Variants in ATP8B3 observed in about 807,000 individuals in gnomAD.
The protein encoded by ATP8B3 is phospholipid-transporting ATPase IK.
In ATP8B3, 141 loss-of-function variants were observed where a neutral mutation model predicts 140.9. The observed-to-expected ratio is 1.00, with a 90% CI of 0.87 to 1.15. The LOEUF (loss-of-function observed/expected upper bound fraction) is 1.15. ATP8B3 is among the 50% of genes most tolerant of loss of function. ATP8B3 has a pLI of 0.00. For synonymous variants in ATP8B3, 765 were observed against 714.6 expected (o/e 1.07, Z -1.13); for missense variants, 1,874 against 1,740.6 (o/e 1.08, Z -1.36).
intron 18 of ATP8B3, among the ~76,000 whole-genome samples, chr19:1,793,669 T>C (rs1053317573): frequency 2.0e-5 from 3 of 152,250 alleles, no homozygotes; most frequent in Admixed American, 2.0e-4. Flanking sequence ...TACGGCTTCT[T>C]ACCCCCCGAC....
chr19:1,788,294 G>A (rs2068370559), intron 24 of ATP8B3, among the ~76,000 whole-genome samples: 1 of 152,154 alleles, frequency 6.6e-6, no homozygotes, highest in South Asian at 2.1e-4. Flanking sequence ...TGGGGTTCAA[G>A]GTCTTGTTCA....
intron 16 of ATP8B3, among the ~76,000 whole-genome samples, 186 bp downstream of exon 16, chr19:1,796,525 C>T (rs2068681036): frequency 6.6e-6 from 1 of 152,268 alleles, no homozygotes; most frequent in African/African-American, 2.4e-5. Context: ...CGCCACGATG[C>T]TTGTCAGCAC....
At chr19:1,797,404 G>A (rs1051957085) in intron 14 of ATP8B3, among the ~76,000 whole-genome samples, 1 of 152,188 alleles carries the variant, frequency 6.6e-6, no homozygotes, top group African/African-American at 2.4e-5. Context: ...GCCTGGAGCG[G>A]GATGCAGCCC....
At chr19:1,810,027 A>AT (rs886091899) in intron 3 of ATP8B3, among the ~76,000 whole-genome samples, 4 of 152,174 alleles carry the variant, frequency 2.6e-5, no homozygotes, top group South Asian at 2.1e-4. Flanking sequence ...AGGCCTGTAC[A>AT]TTTTACAGAG....
rs561418063 is a variant in ATP8B3, at chr19:1,787,728, TAAAAAAAAAAAA to T, written c.3070-554_3070-543del. On this transcript the variant is annotated intron_variant, in intron 24 of 28. Coordinates refer to ENST00000310127, the MANE Select transcript of ATP8B3 (RefSeq NM_138813.4). ...TGGGCAACAAGTGTGAAACTCTGTC[TAAAAAAAAAAAA>T]AAAAAAAAAAAAAAAAAAAAACGCT... is the stretch of plus-strand genomic sequence containing the variant. 3.7e-3 allele frequency among the ~76,000 whole-genome samples: 447 copies of T among 119,786 alleles called. 2 individuals are homozygous for T. The highest frequency in any genetic ancestry group is 0.011 in the African/African-American group (363 of 32,030). The allele number at this position is 119,786 out of a possible 152,430, so 78.6% of individuals were successfully genotyped here. A position where few individuals can be genotyped will look rare whatever the true frequency, so the allele number is the denominator to read the frequency against.
In ATP8B3 at chr19:1,789,601, G is replaced by C. The variant is rs1300564128; in HGVS notation, c.2605C>G (p.Leu869Val). ...AGCGGGAGCCCGAACCTCCGGCACA[G>C]CAGGGACAGGCGCCTGGCGTAGAGG... ...DFLYARRLSL[L>V]CRRFGLPLAA... The change falls in exon 23 of 29, where the codon CTG (leucine) becomes GTG (valine). Residue 869 changes from leucine to valine, a missense_variant. Leu to Val is a conservative substitution (Grantham distance 32). Around this residue, in one of 3 missense-constraint regions of ATP8B3, gnomAD observed 840 missense variants for 760.9 expected, o/e 1.10. Coordinates refer to ENST00000310127, the MANE Select transcript of ATP8B3 (RefSeq NM_138813.4). 2 of 1,592,252 alleles carry C rather than the reference G, an allele frequency of 1.3e-6. No homozygotes were observed. Among genetic ancestry groups the C allele is most frequent in the Non-Finnish European group, 1.7e-6 (2 of 1,173,916 alleles).
rs2068252844 is a variant in ATP8B3, at chr19:1,784,882, T to C, written c.3597A>G (p.Ile1199Met). ...ILLVVLLSVS[I>M]NTFPVLALRV... ...GGAGGGCCAGGACAGGGAAGGTGTTTATGGACACACTCAGCAGGACCACCA... is the reference window on the plus strand; with the variant it reads ...GGAGGGCCAGGACAGGGAAGGTGTTCATGGACACACTCAGCAGGACCACCA... Residue 1199 changes from isoleucine to methionine, a missense_variant, in exon 28 of 29, where the codon ATA becomes ATG. Ile to Met is a conservative substitution (Grantham distance 10, BLOSUM62 1). This residue lies in a region of ATP8B3 where 840 missense variants were observed against 760.9 expected (regional missense o/e 1.10). Coordinates refer to ENST00000310127, the MANE Select transcript of ATP8B3 (RefSeq NM_138813.4). 1 of 1,613,168 alleles carries C rather than the reference T, an allele frequency of 6.2e-7. No homozygotes were observed. Among genetic ancestry groups the C allele is most frequent in the Non-Finnish European group, 8.5e-7 (1 of 1,179,668 alleles).
Position 1,796,772 on chromosome 19 carries a change from GA to G in ATP8B3, c.1691del (p.Phe564SerfsTer11). On this transcript the variant is annotated frameshift_variant, in exon 16 of 29. Coordinates refer to ENST00000310127, the MANE Select transcript of ATP8B3 (RefSeq NM_138813.4). LOFTEE classifies it high-confidence loss of function. ...RTNGDEAVRE[F>X]WRLLAICHTV... ...TGTGGCAGATGGCCAGCAGGCGCCA[GA>G]ACTCCCGCACGGCCTCGTCCCCGTT... 6.2e-7 allele frequency: 1 copy of G among 1,612,424 alleles called. No individual in the cohort carries two copies. The highest frequency in any genetic ancestry group is 8.5e-7 in the Non-Finnish European group (1 of 1,179,636).
chr19:1,798,064 G>A (rs1002863190), intron 14 of ATP8B3, among the ~76,000 whole-genome samples: 4 of 151,822 alleles, frequency 2.6e-5, no homozygotes, highest in Non-Finnish European at 4.4e-5. Flanking sequence ...CTCCACCTCC[G>A]GGTTCAAGCA....
At chr19:1,808,151 T>C in intron 5 of ATP8B3, 71 bp downstream of exon 5, 1 of 1,265,056 alleles carries the variant, frequency 7.9e-7, no homozygotes, top group Non-Finnish European at 1.1e-6. Flanking sequence ...AACCCACCCA[T>C]CACACAGACA....
In ATP8B3 at chr19:1,785,613, G is replaced by A. The variant is rs200569321; in HGVS notation, c.3249C>T (p.Ile1083=). The A allele has an allele frequency of 3.0e-4, 487 of 1,613,286 alleles. 1 individual carries two copies. Among genetic ancestry groups the A allele is most frequent in the Middle Eastern group, 2.8e-3 (17 of 6,062 alleles). The stretch of plus-strand genomic sequence containing the variant: ...CCAGAGAGGTGGTCACACCATGGGC[G>A]ATGGCTTGGACGAAGACCCAGTAGT... ...LFNYWVFVQA[I]AHGVTTSLVN... The change falls in exon 26 of 29, where the codon ATC becomes ATT. Residue 1083 remains isoleucine, a synonymous_variant. Transcript: ENST00000310127.
rs1316092067 is a variant in ATP8B3, at chr19:1,809,819, C to G, written c.311-85G>C. ...ACCGCCCGGAGGAGGGCTCATGGGG[C>G]CCGTGGGACCCAGGCACTGGGGAGG... On this transcript the variant is annotated intron_variant, in intron 3 of 28. Transcript: ENST00000310127. 3 of 1,279,144 alleles carry G rather than the reference C, an allele frequency of 2.3e-6. No homozygotes were observed. In the East Asian group the frequency reaches 7.6e-5, roughly 32 times the overall value. 79.2% of individuals were successfully genotyped at this position (1,279,144 alleles called of 1,614,324 possible). A position where few individuals can be genotyped will look rare whatever the true frequency, so the allele number is the denominator to read the frequency against.
intron 16 of ATP8B3, 141 bp downstream of exon 16, chr19:1,796,570 C>A (rs1023796463): frequency 3.5e-5 from 39 of 1,118,574 alleles, no homozygotes; most frequent in Middle Eastern, 6.1e-4. Flanking sequence ...CCTCGAGGTG[C>A]GGCTGGTGTC....
At chr19:1,810,593 G>A (rs2069159932) in intron 3 of ATP8B3, 29 bp downstream of exon 3, 10 of 1,607,366 alleles carry the variant, frequency 6.2e-6, no homozygotes, top group Non-Finnish European at 7.7e-6. Context: ...CCTCCCACCT[G>A]CACCGCCCCC....
intron 10 of ATP8B3, among the ~76,000 whole-genome samples, chr19:1,803,447 C>T (rs1352125374): frequency 6.6e-6 from 1 of 152,192 alleles, no homozygotes; most frequent in African/African-American, 2.4e-5. Context: ...CTCTCTGAAC[C>T]TCAGTGTCTT....
chr19:1,808,325 A>G lies in ATP8B3; in HGVS notation c.413T>C (p.Ile138Thr). Residue 138 changes from isoleucine (I) to threonine (T), a missense_variant, in exon 5 of 29, where the codon ATC (isoleucine) becomes ACC (threonine). Ile to Thr is a moderately conservative substitution (Grantham distance 89, BLOSUM62 -1). Around this residue, in one of 3 missense-constraint regions of ATP8B3, gnomAD observed 1,032 missense variants for 963.6 expected, o/e 1.07. Transcript: ENST00000310127. ...WQRKKYKTNV[I>T]RTAKYNFYSF... The stretch of plus-strand genomic sequence containing the variant: ...GTAGAAGTTGTACTTGGCCGTGCGG[A>G]TGACATTGGTCTGGAACGAGAGCCG... The G allele has an allele frequency of 1.2e-6, 2 of 1,612,116 alleles. No homozygotes were observed. The highest frequency in any genetic ancestry group is 1.7e-6 in the Non-Finnish European group (2 of 1,179,142).
At position 1,805,824 on chromosome 19, in the gene ATP8B3, AG is replaced by A; in HGVS notation, c.821+63del. ...TGGCCGCCTCCTTGGTGACTGGGGA[AG>A]GGGGCTCCTCCGGGCCATGCTCCCC... On this transcript the variant is annotated intron_variant, in intron 9 of 28. Transcript: ENST00000310127. This position sits in a 1 kb window ranked among gnomAD's most constrained non-coding sequence, Gnocchi z 5.2. 6.3e-7 allele frequency: 1 copy of A among 1,590,574 alleles called. No individual in the cohort carries two copies. Among genetic ancestry groups the A allele is most frequent in the Non-Finnish European group, 8.6e-7 (1 of 1,161,610 alleles).
At position 1,782,389 on chromosome 19, in the gene ATP8B3, GGAT is replaced by G; in HGVS notation, c.*636_*638del. 1 of 234,426 alleles carries G rather than the reference GGAT, an allele frequency of 4.3e-6. No individual in the cohort carries two copies. The highest frequency in any genetic ancestry group is 8.2e-6 in the Non-Finnish European group (1 of 122,070). 14.5% of individuals were successfully genotyped at this position (234,426 alleles called of 1,614,324 possible). ...CCCCGGGCACCAGCAGCCACTCCATGGATGATGATGACTGCTTCTCCGCGGGCC... is the reference window on the plus strand; with the variant it reads ...CCCCGGGCACCAGCAGCCACTCCATGGATGATGACTGCTTCTCCGCGGGCC... On this transcript the variant is annotated 3_prime_UTR_variant, in exon 29 of 29. Coordinates refer to ENST00000310127, the MANE Select transcript of ATP8B3 (RefSeq NM_138813.4).
Position 1,787,202 on chromosome 19 carries a change from A to C in ATP8B3, c.3070-16T>G. On this transcript the variant is annotated splice_polypyrimidine_tract_variant and intron_variant, in intron 24 of 28. Coordinates refer to ENST00000310127, the MANE Select transcript of ATP8B3 (RefSeq NM_138813.4). ...CATACAGGGGCTGAGCCGGGGGAGA[A>C]GGGCAAGGAGAACAAGTCAGCCTCC... 6.3e-7 allele frequency: 1 copy of C among 1,595,388 alleles called. No homozygotes were observed. The highest frequency in any genetic ancestry group is 8.6e-7 in the Non-Finnish European group (1 of 1,168,362).
Sources: gnomAD v4.1 joint callset for allele counts (sites outside exome capture counted in the v4.1 genomes callset) on GRCh38, gnomAD v4.1.1 for gene constraint, gnomAD v4.1.1 regional missense constraint, Gnocchi (gnomAD v3.1) non-coding constraint, MANE v1.5 for transcripts, NCBI Gene and HGNC (gene_info 2026-07-23, HGNC 2026-07-21) for gene names.